PCDHGA3: variants seen among roughly 807,000 people sequenced by gnomAD.
PCDHGA3 encodes protocadherin gamma-A3.
A neutral mutation model predicts 58.5 loss-of-function variants in PCDHGA3; 40 were observed. The ratio of observed to expected loss-of-function variants is 0.68; its 90% CI spans 0.53 to 0.89. The LOEUF is 0.89. Among genes scored for constraint, PCDHGA3 ranks in the 40% least tolerant of loss-of-function variants. PCDHGA3 has a pLI of 0.00. For synonymous variants in PCDHGA3, 530 were observed against 525.7 expected (o/e 1.01, Z -0.11); for missense variants, 1,223 against 1,195.9 (o/e 1.02, Z -0.33).
chr5:141,392,791 G>T, intron 1 of PCDHGA3: 1 of 1,557,836 alleles, frequency 6.4e-7, no homozygotes, highest in Non-Finnish European at 8.7e-7. Flanking sequence ...AAGATTCTGA[G>T]AGGATTCTGC....
At chr5:141,415,750 T>TTTG in intron 1 of PCDHGA3, 2 of 1,313,212 alleles carry the variant, frequency 1.5e-6, no homozygotes, top group African/African-American at 1.6e-5. Context: ...GTTTTTTTTT[T>TTTG]TTTTTTTTTT....
At chr5:141,427,570 C>A in intron 1 of PCDHGA3, 1 of 662,270 alleles carries the variant, frequency 1.5e-6, no homozygotes, top group Non-Finnish European at 2.8e-6. Flanking sequence ...GGCAAGCCTC[C>A]GCTCTCATCC....
chr5:141,357,119 A>G, intron 1 of PCDHGA3: 5 of 1,613,654 alleles, frequency 3.1e-6, no homozygotes, highest in African/African-American at 1.3e-5. Context: ...GCGCTCAAGC[A>G]GAGGCTTGTA....
intron 1 of PCDHGA3, chr5:141,389,907 G>T (rs779604388): frequency 6.2e-7 from 1 of 1,614,082 alleles, no homozygotes; most frequent in Non-Finnish European, 8.5e-7. Context: ...GGATATCACT[G>T]ACCGCCCCGA....
intron 1 of PCDHGA3, chr5:141,389,522 G>T (rs983186726): frequency 5.0e-6 from 8 of 1,613,060 alleles, no homozygotes; most frequent in Middle Eastern, 3.3e-4. Flanking sequence ...ACGTGAGCCT[G>T]CGCGTGTTAG....
rs200512171 is a variant in PCDHGA3, at chr5:141,418,143, T to C, written c.2424+71686T>C. ...AAGGACCGAATAGACCGTGAGCAAA[T>C]ATGCAAAGAGAGAAGAAGATGTGAG... On this transcript the variant is annotated intron_variant, in intron 1 of 3. Transcript: ENST00000253812. 2.6e-4 allele frequency: 419 copies of C among 1,613,982 alleles called. 1 individual carries two copies. In the African/African-American group the frequency reaches 5.2e-3, roughly 20 times the overall value.
chr5:141,413,398 A>G lies in PCDHGA3; in HGVS notation c.2424+66941A>G, dbSNP rs780416951. The G allele has an allele frequency of 1.9e-5, 30 of 1,613,944 alleles. No homozygotes were observed. Among genetic ancestry groups the G allele is most frequent in the African/African-American group, 4.0e-5 (3 of 74,960 alleles). Reference sequence around the variant, plus strand: ...CGGAGTCCGCATAGTCTCCAGAGGTAGGACGCAGCTTTTCTCTCTGAACCC... The same window carrying G: ...CGGAGTCCGCATAGTCTCCAGAGGTGGGACGCAGCTTTTCTCTCTGAACCC... On this transcript the variant is annotated intron_variant, in intron 1 of 3. Transcript: ENST00000253812.
intron 1 of PCDHGA3, chr5:141,421,800 G>T (rs995129799): frequency 1.2e-6 from 2 of 1,613,728 alleles, no homozygotes. Flanking sequence ...ATGGGGCCAA[G>T]AATCCAGAGC....
Position 141,476,201 on chromosome 5 carries a change from G to C in PCDHGA3, c.2425-18606G>C. ...GCTTCTGCTTGGTGCCTTGAACAAG[G>C]CTTCCACGGTCATTCACTATGAGAT... is the stretch of plus-strand genomic sequence containing the variant. On this transcript the variant is annotated intron_variant, in intron 1 of 3. Coordinates refer to ENST00000253812, the MANE Select transcript of PCDHGA3 (RefSeq NM_018916.4). This position sits in a 1 kb window ranked among gnomAD's most constrained non-coding sequence, Gnocchi z 7.6. 6.2e-7 allele frequency: 1 copy of C among 1,613,986 alleles called. No individual in the cohort carries two copies. The highest frequency in any genetic ancestry group is 8.5e-7 in the Non-Finnish European group (1 of 1,180,028).
chr5:141,438,983 T>C (rs1296267457), intron 1 of PCDHGA3, among the ~76,000 whole-genome samples: 1 of 151,930 alleles, frequency 6.6e-6, no homozygotes, highest in Non-Finnish European at 1.5e-5. Context: ...TGACTTATCT[T>C]AAAAGGCTAA....
chr5:141,365,660 G>A (rs752963380), intron 1 of PCDHGA3: 2 of 1,613,380 alleles, frequency 1.2e-6, no homozygotes, highest in Non-Finnish European at 1.7e-6. Context: ...GAAAGTAGCA[G>A]ACGTTAATGA....
Position 141,421,845 on chromosome 5 carries a change from G to C in PCDHGA3, c.2425-72962G>C, listed in dbSNP as rs369443134. On this transcript the variant is annotated intron_variant, in intron 1 of 3. Transcript: ENST00000253812. ...AGGGAAGCCTGGACCGAGAGAAAGA[G>C]GCTGCTCACCTGCTCCTCCTCACAG... The C allele has an allele frequency of 1.1e-5, 18 of 1,613,638 alleles. No homozygotes were observed. The African/African-American group carries it at 2.1e-4, about 19-fold the overall frequency.
In PCDHGA3 at chr5:141,510,989, C is replaced by A. The variant is rs2099883548; in HGVS notation, c.2615C>A (p.Thr872Asn). The A allele has an allele frequency of 1.2e-6, 2 of 1,614,198 alleles. No homozygotes were observed. The highest frequency in any genetic ancestry group is 1.7e-6 in the Non-Finnish European group (2 of 1,180,022). ...TCCACCCTGGGAGGGGGTGCCGGCA[C>A]CATGGGATTGAGCGCCCGCTACGGA... is the stretch of plus-strand genomic sequence containing the variant. ...GSSTLGGGAG[T>N]MGLSARYGPQ... Residue 872 changes from threonine to asparagine, a missense_variant, in exon 4 of 4, where the codon ACC becomes AAC. Thr to Asn is a moderately conservative substitution (Grantham distance 65, BLOSUM62 0). Transcript: ENST00000253812.
intron 1 of PCDHGA3, among the ~76,000 whole-genome samples, chr5:141,450,467 T>G (rs997813636): frequency 1.3e-5 from 2 of 151,944 alleles, no homozygotes; most frequent in African/African-American, 2.4e-5. Flanking sequence ...ATTTTATATA[T>G]AGAGTTTGTT....
rs141959335 is a variant in PCDHGA3, at chr5:141,491,261, T to C, written c.2425-3546T>C. On this transcript the variant is annotated intron_variant, in intron 1 of 3. Transcript: ENST00000253812. This position sits in a 1 kb window ranked among gnomAD's most constrained non-coding sequence, Gnocchi z 6.9. Reference sequence around the variant, plus strand: ...CTGGAGGATGAGGACCCTGAGGAAATGCCCAAATCCAGTGACTTCCTCATA... The same window carrying C: ...CTGGAGGATGAGGACCCTGAGGAAACGCCCAAATCCAGTGACTTCCTCATA... 104 of 1,614,044 alleles carry C rather than the reference T, an allele frequency of 6.4e-5. No individual in the cohort carries two copies. Among genetic ancestry groups the C allele is most frequent in the Non-Finnish European group, 8.1e-5 (95 of 1,180,028 alleles).
intron 1 of PCDHGA3, among the ~76,000 whole-genome samples, chr5:141,484,730 G>T (rs1231473842): frequency 6.6e-6 from 1 of 151,728 alleles, no homozygotes; most frequent in Non-Finnish European, 1.5e-5. Context: ...GGGGTCAGTC[G>T]GTGTGTTAGG....
chr5:141,418,946 G>T (rs2096305161), intron 1 of PCDHGA3: 1 of 1,613,900 alleles, frequency 6.2e-7, no homozygotes, highest in African/African-American at 1.3e-5. Context: ...TTCCCCTCCA[G>T]GAGTGGTTGT....
At chr5:141,404,861 G>A in intron 1 of PCDHGA3, 1 of 1,613,848 alleles carries the variant, frequency 6.2e-7, no homozygotes, top group Non-Finnish European at 8.5e-7. Context: ...AGATAGAGAT[G>A]CGCTCAAACA....
chr5:141,427,161 G>A (rs1561826750), intron 1 of PCDHGA3: 1 of 456,698 alleles, frequency 2.2e-6, no homozygotes, highest in Non-Finnish European at 4.4e-6. Flanking sequence ...GTTTGTGCTA[G>A]ACCATCAAAA....
Sources: gnomAD v4.1 joint callset for allele counts (sites outside exome capture counted in the v4.1 genomes callset) on GRCh38, gnomAD v4.1.1 for gene constraint, Gnocchi (gnomAD v3.1) non-coding constraint, MANE v1.5 for transcripts, NCBI Gene and HGNC (gene_info 2026-07-23, HGNC 2026-07-21) for gene names.